The following SNF8 variants were observed in gnomAD, a reference collection of about 807,000 sequenced individuals.
The protein encoded by SNF8 is vacuolar-sorting protein SNF8.
Under a neutral mutation model 36.8 loss-of-function variants are expected in SNF8, and 19 were observed. That is an observed-to-expected ratio of 0.52 (90% CI 0.36 to 0.76). SNF8 has a LOEUF of 0.76. Ranked by LOEUF, SNF8 falls within the 30% of genes least tolerant of loss-of-function variation. The pLI is 0.00. For missense variants in SNF8, 268 were observed against 322.9 expected, an observed-to-expected ratio of 0.83 and a Z score of 1.30; for synonymous variants, 127 against 127.4, an observed-to-expected ratio of 1.00 and a Z score of 0.02.
intron 1 of SNF8, 133 bp from the exon 2 acceptor site, chr17:48,944,108 C>G: frequency 1.3e-6 from 1 of 749,278 alleles, no homozygotes. Flanking sequence ...TCGAGCCATC[C>G]TGGCTAACAC....
Position 48,937,019 on chromosome 17 carries a change from C to T in SNF8, c.349+1G>A, listed in dbSNP as rs1380566591. On this transcript the variant is annotated splice_donor_variant, in intron 4 of 7. Transcript: ENST00000502492. LOFTEE classifies it high-confidence loss of function. Reference sequence around the variant, plus strand: ...AGTTCACAGGACCTAGCCACCCTCACCTCCATTCCGATGCTTCAGCGCCAG... The same window carrying T: ...AGTTCACAGGACCTAGCCACCCTCATCTCCATTCCGATGCTTCAGCGCCAG... 1.2e-6 allele frequency: 2 copies of T among 1,610,692 alleles called. No homozygotes were observed. The highest frequency in any genetic ancestry group is 1.7e-6 in the Non-Finnish European group (2 of 1,176,874).
At position 48,944,798 on chromosome 17, in the gene SNF8, G is replaced by GC; in HGVS notation, c.-65dup. Reference sequence around the variant, plus strand: ...CCCGGGTCTCCACGTCCCGGACTCCGCCGCCGGCTCCCCAAGGCGGAAGCC... The same window carrying GC: ...CCCGGGTCTCCACGTCCCGGACTCCGCCCGCCGGCTCCCCAAGGCGGAAGCC... On this transcript the variant is annotated 5_prime_UTR_variant, in exon 1 of 8. Coordinates refer to ENST00000502492, the MANE Select transcript of SNF8 (RefSeq NM_007241.4). The GC allele has an allele frequency of 6.7e-7, 1 of 1,488,276 alleles. No individual in the cohort carries two copies. The highest frequency in any genetic ancestry group is 1.3e-5 in the South Asian group (1 of 75,894). The allele number at this position is 1,488,276 out of a possible 1,614,324, so 92.2% of individuals were successfully genotyped here.
Position 48,930,589 on chromosome 17 carries a change from C to T in SNF8, c.663G>A (p.Leu221=). The change falls in exon 8 of 8, where the codon TTG becomes TTA. Residue 221 remains leucine (L), a synonymous_variant. Coordinates refer to ENST00000502492, the MANE Select transcript of SNF8 (RefSeq NM_007241.4). ...CTGGGGCCTGTAAGTCCAGCCACGC[C>T]AACCCTTCCTTCAGCAGGTGTTCCT... ...QVLEHLLKEG[L]AWLDLQAPGE... 2 of 1,613,864 alleles carry T rather than the reference C, an allele frequency of 1.2e-6. No individual in the cohort carries two copies. The highest frequency in any genetic ancestry group is 1.7e-6 in the Non-Finnish European group (2 of 1,179,930).
At chr17:48,942,423 C>T (rs2041043942) in intron 2 of SNF8, among the ~76,000 whole-genome samples, 1 of 151,878 alleles carries the variant, frequency 6.6e-6, no homozygotes, top group African/African-American at 2.4e-5. Context: ...TGAGTGGGTG[C>T]TTTTGAAGAG....
chr17:48,940,231 G>A (rs1046864719), intron 3 of SNF8, among the ~76,000 whole-genome samples: 5 of 151,704 alleles, frequency 3.3e-5, no homozygotes, highest in African/African-American at 1.2e-4. Flanking sequence ...TGTAGAGATG[G>A]AGTCTCGCCA....
At chr17:48,932,857 T>C in intron 6 of SNF8, 1 of 195,172 alleles carries the variant, frequency 5.1e-6, no homozygotes, top group Non-Finnish European at 1.0e-5. Flanking sequence ...ACAAGATTTT[T>C]TAAAATCTGT....
rs2040835638 is a variant in SNF8, at chr17:48,930,149, C to CT, written c.*325dup. On this transcript the variant is annotated 3_prime_UTR_variant, in exon 8 of 8. Transcript: ENST00000502492. ...GGTTTGAATTAGCATAGGCTGTAATCTATGTCTCACAGCTACAAAGACTAG... is the reference window on the plus strand; with the variant it reads ...GGTTTGAATTAGCATAGGCTGTAATCTTATGTCTCACAGCTACAAAGACTAG... The CT allele has an allele frequency of 5.2e-6, 1 of 191,752 alleles. No individual in the cohort carries two copies. Among genetic ancestry groups the CT allele is most frequent in the Admixed American group, 5.7e-5 (1 of 17,500 alleles). The allele number at this position is 191,752 out of a possible 1,614,324, so 11.9% of individuals were successfully genotyped here.
chr17:48,938,482 G>A (rs2040969061), intron 3 of SNF8, among the ~76,000 whole-genome samples: 1 of 118,110 alleles, frequency 8.5e-6, no homozygotes, highest in African/African-American at 3.1e-5. Flanking sequence ...GGAATCAAGA[G>A]CAAAACTCCA....
chr17:48,942,664 A>G (rs2041046872), intron 2 of SNF8, among the ~76,000 whole-genome samples: 2 of 152,008 alleles, frequency 1.3e-5, no homozygotes, highest in Non-Finnish European at 2.9e-5. Flanking sequence ...GTTAGGCAAT[A>G]TTTTCATTTT....
chr17:48,938,403 G>A (rs2040966841), intron 3 of SNF8, among the ~76,000 whole-genome samples: 1 of 150,930 alleles, frequency 6.6e-6, no homozygotes, highest in Non-Finnish European at 1.5e-5. Context: ...GGCTGAGGCA[G>A]GAGAATCGCT....
At chr17:48,938,294 C>T (rs949990965) in intron 3 of SNF8, among the ~76,000 whole-genome samples, 1 of 149,110 alleles carries the variant, frequency 6.7e-6, no homozygotes, top group Non-Finnish European at 1.5e-5. Flanking sequence ...GTCAGGAGTT[C>T]GAGAACAGCC....
At chr17:48,934,507 G>A in intron 5 of SNF8, 1 of 195,532 alleles carries the variant, frequency 5.1e-6, no homozygotes, top group South Asian at 6.2e-5. Flanking sequence ...AGGAGGCTGA[G>A]GCAGAAGAAT....
intron 3 of SNF8, among the ~76,000 whole-genome samples, chr17:48,938,566 T>G (rs2040972708): frequency 6.8e-6 from 1 of 147,232 alleles, no homozygotes; most frequent in African/African-American, 2.5e-5. Context: ...TAATCCCATA[T>G]ATGTTTACAA....
At chr17:48,930,965 C>T (rs2040849788) in intron 7 of SNF8, among the ~76,000 whole-genome samples, 1 of 152,234 alleles carries the variant, frequency 6.6e-6, no homozygotes, top group African/African-American at 2.4e-5. Context: ...CACTGTTTAG[C>T]TACCTTTGAA....
chr17:48,943,409 G>A (rs774106424), intron 2 of SNF8, among the ~76,000 whole-genome samples: 2 of 152,152 alleles, frequency 1.3e-5, no homozygotes, highest in Non-Finnish European at 2.9e-5. Context: ...AAGAATTTGA[G>A]ACCAGTCTGA....
intron 2 of SNF8, 33 bp from the exon 3 acceptor site, chr17:48,941,095 C>T: frequency 1.2e-6 from 2 of 1,605,192 alleles, no homozygotes; most frequent in Non-Finnish European, 1.7e-6. Context: ...TGAAGGGCAG[C>T]CCAGCCAAAT....
chr17:48,940,957 T>A lies in SNF8; in HGVS notation c.211A>T (p.Met71Leu), dbSNP rs766989206. The part of the protein sequence containing the change: ...NPEFRVQFQD[M>L]CATIGVDPLA... ...GGATCCACGCCAATGGTTGCACACA[T>A]GTCCTGGAACTGCACACGGAACTCA... is the stretch of plus-strand genomic sequence containing the variant. Residue 71 changes from methionine (M) to leucine (L), a missense_variant, in exon 3 of 8, where the codon ATG becomes TTG. Physicochemically the swap from Met to Leu is conservative, Grantham distance 15. Coordinates refer to ENST00000502492, the MANE Select transcript of SNF8 (RefSeq NM_007241.4). 11 of 1,612,638 alleles carry A rather than the reference T, an allele frequency of 6.8e-6. No individual in the cohort carries two copies. Among genetic ancestry groups the A allele is most frequent in the Non-Finnish European group, 9.3e-6 (11 of 1,180,016 alleles).
chr17:48,931,797 G>C, intron 6 of SNF8, 80 bp from the exon 7 acceptor site: 1 of 1,029,804 alleles, frequency 9.7e-7, no homozygotes, highest in South Asian at 1.5e-5. Context: ...AGGAACAAGA[G>C]ACTTACCCAG....
Position 48,940,975 on chromosome 17 carries a change from G to A in SNF8, c.193C>T (p.Arg65Cys), listed in dbSNP as rs1475516337. The change falls in exon 3 of 8, where the codon CGT becomes TGT. Residue 65 changes from arginine (R) to cysteine (C), a missense_variant. Physicochemically the swap from Arg to Cys is radical, Grantham distance 180 (BLOSUM62 -3). Coordinates refer to ENST00000502492, the MANE Select transcript of SNF8 (RefSeq NM_007241.4). ...GCACACATGTCCTGGAACTGCACAC[G>A]GAACTCAGGATTCTTCCGGATCTCC... is the stretch of plus-strand genomic sequence containing the variant. Reference protein sequence around the residue: ...KQEIRKNPEFRVQFQDMCATI... With the variant: ...KQEIRKNPEFCVQFQDMCATI... 1.9e-6 allele frequency: 3 copies of A among 1,612,976 alleles called. No individual in the cohort carries two copies. Among genetic ancestry groups the A allele is most frequent in the African/African-American group, 2.7e-5 (2 of 74,858 alleles).
Sources: allele counts gnomAD v4.1 joint callset (sites outside exome capture counted in the v4.1 genomes callset), GRCh38; gene constraint gnomAD v4.1.1; transcripts MANE v1.5; gene names NCBI Gene and HGNC (gene_info 2026-07-23, HGNC 2026-07-21).